The following CMC1 variants were observed in gnomAD, a reference collection of about 807,000 sequenced individuals.
CMC1 encodes the protein COX assembly mitochondrial protein homolog.
A neutral mutation model predicts 14.1 loss-of-function variants in CMC1; 14 were observed. The ratio of observed to expected loss-of-function variants is 0.99; its 90% CI spans 0.66 to 1.55. The LOEUF (loss-of-function observed/expected upper bound fraction) is 1.55, where lower values mean the gene tolerates loss of function less well. Ranked by LOEUF, CMC1 falls within the 40% of genes most tolerant of loss-of-function variation. CMC1 has a pLI of 0.00. For synonymous variants in CMC1, 50 were observed against 38.4 expected (o/e 1.30, Z -1.12); for missense variants, 127 against 123.8 (o/e 1.03, Z -0.12).
chr3:28,262,900 T>C (rs1699806203), intron 1 of CMC1, among the ~76,000 whole-genome samples: 1 of 152,184 alleles, frequency 6.6e-6, no homozygotes. Flanking sequence ...AAACTACTTG[T>C]GTGTCTCTTA....
intron 1 of CMC1, among the ~76,000 whole-genome samples, chr3:28,261,695 A>G (rs1013105081): frequency 3.3e-5 from 5 of 152,084 alleles, no homozygotes; most frequent in Admixed American, 3.3e-4. Context: ...ACTAAATTTG[A>G]TGAGTAGTTG....
At chr3:28,284,093 T>G (rs1484850600) in intron 2 of CMC1, among the ~76,000 whole-genome samples, 1 of 152,170 alleles carries the variant, frequency 6.6e-6, no homozygotes, top group Admixed American at 6.5e-5. Flanking sequence ...GTGTGAAAAA[T>G]CTTAATTGTT....
At chr3:28,314,893 T>G (rs531452852) in intron 2 of CMC1, 1 of 152,308 alleles carries the variant, frequency 6.6e-6, no homozygotes, top group Admixed American at 6.5e-5. Flanking sequence ...CAATTATAAA[T>G]AATTTATAAT....
chr3:28,243,385 CCTT>C lies in CMC1; in HGVS notation c.19+1574_19+1576del, dbSNP rs1221306436. 2.6e-5 allele frequency among the ~76,000 whole-genome samples: 4 copies of C among 152,060 alleles called. No individual in the cohort carries two copies. The East Asian group carries it at 7.7e-4, about 29-fold the overall frequency. On this transcript the variant is annotated intron_variant, in intron 1 of 3. Transcript: ENST00000466830. ...TATGGTACTTCTGAACTTGAAGTGA[CCTT>C]TAAAGTAATCTCATACGGATGAGGA...
intron 2 of CMC1, among the ~76,000 whole-genome samples, chr3:28,303,918 G>A (rs539096730): frequency 1.0e-3 from 154 of 152,058 alleles, no homozygotes; most frequent in African/African-American, 3.3e-3. Context: ...GGCTTAAAAA[G>A]GATCAGTGGA....
intron 1 of CMC1, among the ~76,000 whole-genome samples, chr3:28,249,972 G>C (rs1699047618): frequency 6.6e-6 from 1 of 152,082 alleles, no homozygotes; most frequent in Admixed American, 6.6e-5. Flanking sequence ...GGTTGAGGGA[G>C]GAGGAGGAGA....
At chr3:28,269,113 G>A (rs999859926) in intron 2 of CMC1, among the ~76,000 whole-genome samples, 7 of 152,006 alleles carry the variant, frequency 4.6e-5, no homozygotes, top group Non-Finnish European at 1.0e-4. Context: ...TTTTATCAGG[G>A]GTATGTATGT....
rs139231526 is a variant in CMC1, at chr3:28,285,408, T to TAA, written c.109+22037_109+22038dup. On this transcript the variant is annotated intron_variant, in intron 2 of 3. Transcript: ENST00000466830. ...GATTATGTAAAAGTCTTATTTGGGT[T>TAA]AAAAAAAAAACACATGACTTTCTGT... Among the ~76,000 whole-genome samples, 11 of 149,404 alleles carry TAA rather than the reference T, an allele frequency of 7.4e-5. No individual in the cohort carries two copies. The South Asian group carries it at 1.7e-3, about 23-fold the overall frequency.
intron 2 of CMC1, among the ~76,000 whole-genome samples, chr3:28,281,193 G>A (rs1425588752): frequency 6.6e-6 from 1 of 152,182 alleles, no homozygotes; most frequent in Non-Finnish European, 1.5e-5. Context: ...CTACATAAAT[G>A]TGACTGAAAC....
intron 2 of CMC1, among the ~76,000 whole-genome samples, chr3:28,301,578 A>C (rs1017172259): frequency 5.9e-5 from 9 of 152,042 alleles, no homozygotes; most frequent in Admixed American, 2.0e-4. Context: ...AATTGCATGA[A>C]AAATTCTACT....
intron 1 of CMC1, among the ~76,000 whole-genome samples, chr3:28,243,505 C>T (rs1308002266): frequency 6.6e-6 from 1 of 152,232 alleles, no homozygotes; most frequent in African/African-American, 2.4e-5. Context: ...CATACTTGCT[C>T]TCTTCACTTG....
chr3:28,247,590 G>A lies in CMC1; in HGVS notation c.19+5778G>A, dbSNP rs1698892826. Among the ~76,000 whole-genome samples the A allele has an allele frequency of 1.3e-5, 2 of 152,210 alleles. 1 individual carries two copies. Among genetic ancestry groups the A allele is most frequent in the South Asian group, 4.1e-4 (2 of 4,830 alleles). ...TCCTGAGAAGGTTGCAGATGTGAATGCTCCAACATTCTCTGCTGCAGGAGG... is the reference window on the plus strand; with the variant it reads ...TCCTGAGAAGGTTGCAGATGTGAATACTCCAACATTCTCTGCTGCAGGAGG... On this transcript the variant is annotated intron_variant, in intron 1 of 3. Transcript: ENST00000466830.
At chr3:28,293,863 TG>T (rs1359440820) in intron 2 of CMC1, among the ~76,000 whole-genome samples, 6 of 152,152 alleles carry the variant, frequency 3.9e-5, no homozygotes, top group Non-Finnish European at 1.5e-5. Flanking sequence ...ATTACAGGCA[TG>T]AGACACCATG....
intron 2 of CMC1, among the ~76,000 whole-genome samples, chr3:28,301,365 G>A (rs1702038809): frequency 6.6e-6 from 1 of 151,898 alleles, no homozygotes; most frequent in African/African-American, 2.4e-5. Context: ...TACTACATGC[G>A]TGTGCCACCA....
chr3:28,274,225 T>C (rs1482384886), intron 2 of CMC1, among the ~76,000 whole-genome samples: 1 of 144,244 alleles, frequency 6.9e-6, no homozygotes, highest in Non-Finnish European at 1.5e-5. Context: ...TTTTTCTTTT[T>C]TTTTTTTTTT....
chr3:28,324,018 G>T lies in CMC1; in HGVS notation c.*4389G>T. The T allele has an allele frequency of 6.3e-7, 1 of 1,575,360 alleles. No homozygotes were observed. Among genetic ancestry groups the T allele is most frequent in the Non-Finnish European group, 8.7e-7 (1 of 1,154,044 alleles). On this transcript the variant is annotated 3_prime_UTR_variant, in exon 4 of 4. Transcript: ENST00000466830. ...ACTGAAAGAGATAAGTGTCCTCATG[G>T]TGAAATCGTGAATCTCTTCCAAATT... is the stretch of plus-strand genomic sequence containing the variant.
chr3:28,276,565 A>G (rs538140342), intron 2 of CMC1, among the ~76,000 whole-genome samples: 1 of 152,262 alleles, frequency 6.6e-6, no homozygotes, highest in African/African-American at 2.4e-5. Context: ...TGAGAAATTA[A>G]TCTAAAATTA....
intron 1 of CMC1, among the ~76,000 whole-genome samples, chr3:28,257,892 G>C (rs1699502089): frequency 2.0e-5 from 3 of 151,922 alleles, no homozygotes; most frequent in African/African-American, 2.4e-5. Context: ...GTTTTCCAGA[G>C]AAATGTATCA....
At chr3:28,244,713 G>A (rs949146025) in intron 1 of CMC1, among the ~76,000 whole-genome samples, 1 of 150,926 alleles carries the variant, frequency 6.6e-6, no homozygotes, top group African/African-American at 2.4e-5. Flanking sequence ...GCCACAGAGT[G>A]AGACTTCGTC....
Sources: gnomAD v4.1 joint callset for allele counts (sites outside exome capture counted in the v4.1 genomes callset) on GRCh38, gnomAD v4.1.1 for gene constraint, MANE v1.5 for transcripts, NCBI Gene and HGNC (gene_info 2026-07-23, HGNC 2026-07-21) for gene names.